The following PTPRD variants were observed in gnomAD, a reference collection of about 807,000 sequenced individuals.
PTPRD encodes protein tyrosine phosphatase receptor type D, also known as receptor-type tyrosine-protein phosphatase delta.
In PTPRD, 34 loss-of-function variants were observed where a neutral mutation model predicts 214.5. The observed-to-expected ratio is 0.16, with a 90% CI of 0.12 to 0.21. PTPRD has a LOEUF of 0.21. PTPRD is among the 10% of genes least tolerant of loss of function. The pLI is 1.00. For missense variants in PTPRD, 2,545 were observed against 2,398.7 expected (o/e 1.06, Z -1.27); for synonymous variants, 1,128 against 845.7 (o/e 1.33, Z -5.79).
intron 11 of PTPRD, among the ~76,000 whole-genome samples, chr9:8,785,242 G>GA (rs1173772991): frequency 6.6e-6 from 1 of 152,090 alleles, no homozygotes; most frequent in Non-Finnish European, 1.5e-5. Context: ...AATAACAGGG[G>GA]AAAAAAACAC....
chr9:8,761,196 T>C (rs2094392621), intron 11 of PTPRD, among the ~76,000 whole-genome samples: 1 of 152,160 alleles, frequency 6.6e-6, no homozygotes, highest in Non-Finnish European at 1.5e-5. Context: ...GCAAATGTGG[T>C]TGTCCTTGCA....
chr9:8,624,239 T>C (rs892920279), intron 14 of PTPRD, among the ~76,000 whole-genome samples: 4 of 151,928 alleles, frequency 2.6e-5, no homozygotes, highest in Non-Finnish European at 5.9e-5. Flanking sequence ...ACTAAAATTC[T>C]TGGGATTGTG....
intron 7 of PTPRD, among the ~76,000 whole-genome samples, chr9:9,602,340 C>A (rs2093835161): frequency 6.6e-6 from 1 of 151,838 alleles, no homozygotes; most frequent in South Asian, 2.1e-4. Flanking sequence ...AATATAATAA[C>A]AACTACAGAT....
At chr9:8,713,991 G>T in intron 12 of PTPRD, 1 of 603,420 alleles carries the variant, frequency 1.7e-6, no homozygotes, top group Non-Finnish European at 2.9e-6. Flanking sequence ...CTCAATTTCA[G>T]GCTTTGAATC....
chr9:9,382,461 A>G (rs1245569602), intron 9 of PTPRD, among the ~76,000 whole-genome samples: 1 of 152,150 alleles, frequency 6.6e-6, no homozygotes, highest in Non-Finnish European at 1.5e-5. Flanking sequence ...ATATGTAAGA[A>G]TCTCCTACAA....
chr9:9,622,191 G>A (rs1321958157), intron 7 of PTPRD, among the ~76,000 whole-genome samples: 2 of 152,156 alleles, frequency 1.3e-5, no homozygotes, highest in East Asian at 3.9e-4. Flanking sequence ...GACCTGCTAT[G>A]TTCAACTCTG....
chr9:9,438,000 G>C (rs913751502), intron 8 of PTPRD, among the ~76,000 whole-genome samples: 1 of 152,130 alleles, frequency 6.6e-6, no homozygotes, highest in Non-Finnish European at 1.5e-5. Context: ...TGTGAAGAGA[G>C]GGTCTGTTCT....
chr9:9,354,865 G>A (rs11795005), intron 9 of PTPRD, among the ~76,000 whole-genome samples: 14,422 of 151,714 alleles, frequency 0.095, 896 homozygotes, highest in Non-Finnish European at 0.14. Context: ...AAATAATGGA[G>A]GGTGAGGTAA....
intron 3 of PTPRD, among the ~76,000 whole-genome samples, chr9:10,074,211 A>C (rs2098089162): frequency 6.6e-6 from 1 of 152,084 alleles, no homozygotes; most frequent in Non-Finnish European, 1.5e-5. Context: ...TGGCCTGCTT[A>C]TGTGCCATTT....
At position 8,492,614 on chromosome 9, in the gene PTPRD, C is replaced by CA. The variant is rs34457270; in HGVS notation, c.2467+247dup. Among the ~76,000 whole-genome samples the CA allele has an allele frequency of 3.4e-3, 352 of 104,510 alleles. 2 individuals carry two copies. Among genetic ancestry groups the CA allele is most frequent in the East Asian group, 6.1e-3 (23 of 3,752 alleles). The allele number at this position is 104,510 out of a possible 152,430, so 68.6% of individuals were successfully genotyped here. A position where few individuals can be genotyped will look rare whatever the true frequency, so the allele number is the denominator to read the frequency against. Reference sequence around the variant, plus strand: ...CAGTGCCTGACACACAGAAGGTGCTCAAAAAAAAAAAAAAAAAAAATACTT... The same window carrying CA: ...CAGTGCCTGACACACAGAAGGTGCTCAAAAAAAAAAAAAAAAAAAAATACTT... On this transcript the variant is annotated intron_variant, in intron 27 of 45. Coordinates refer to ENST00000381196, the MANE Select transcript of PTPRD (RefSeq NM_002839.4).
chr9:8,402,238 G>C (rs2092486812), intron 36 of PTPRD, among the ~76,000 whole-genome samples: 1 of 152,138 alleles, frequency 6.6e-6, no homozygotes, highest in Non-Finnish European at 1.5e-5. Flanking sequence ...GGGTGTATTT[G>C]TGAACACAGC....
At chr9:10,421,180 A>G (rs1039079017) in intron 2 of PTPRD, among the ~76,000 whole-genome samples, 1 of 148,680 alleles carries the variant, frequency 6.7e-6, no homozygotes, top group African/African-American at 2.4e-5. Context: ...AGCTTGATCT[A>G]CAAAAAAATT....
chr9:10,361,566 G>A (rs965262255), intron 2 of PTPRD, among the ~76,000 whole-genome samples: 12 of 152,070 alleles, frequency 7.9e-5, no homozygotes, highest in African/African-American at 1.7e-4. Flanking sequence ...CTATACACCC[G>A]AAATAAGCAT....
chr9:10,262,672 A>G (rs2093775267), intron 3 of PTPRD, among the ~76,000 whole-genome samples: 1 of 152,244 alleles, frequency 6.6e-6, no homozygotes, highest in Admixed American at 6.5e-5. Context: ...ATGAGCATGA[A>G]TAAGTCACTT....
At chr9:9,189,819 G>A (rs1286738152) in intron 9 of PTPRD, among the ~76,000 whole-genome samples, 4 of 152,026 alleles carry the variant, frequency 2.6e-5, no homozygotes, top group Non-Finnish European at 5.9e-5. Flanking sequence ...CCATTAGGTT[G>A]TTTTCTGGGC....
intron 3 of PTPRD, among the ~76,000 whole-genome samples, chr9:10,277,011 G>C (rs10959001): frequency 0.29 from 44,244 of 151,958 alleles, 6,561 homozygotes; most frequent in South Asian, 0.32. Context: ...CAAAGGCCAG[G>C]CATAGAAGGA....
chr9:8,791,506 G>C (rs1367977937), intron 11 of PTPRD, among the ~76,000 whole-genome samples: 2 of 147,350 alleles, frequency 1.4e-5, no homozygotes, highest in East Asian at 4.0e-4. Flanking sequence ...TTACAGGCAT[G>C]AGCCACCATG....
At chr9:8,494,490 T>C (rs1229727311) in intron 26 of PTPRD, among the ~76,000 whole-genome samples, 1 of 152,172 alleles carries the variant, frequency 6.6e-6, no homozygotes, top group African/African-American at 2.4e-5. Context: ...GCAGACACAC[T>C]GGCTATCCCA....
chr9:9,441,445 G>C (rs1179327764), intron 8 of PTPRD, among the ~76,000 whole-genome samples: 1 of 152,218 alleles, frequency 6.6e-6, no homozygotes, highest in African/African-American at 2.4e-5. Flanking sequence ...GCTGTCTATG[G>C]AAGTGGTGGA....
Sources: gnomAD v4.1 joint callset for allele counts (sites outside exome capture counted in the v4.1 genomes callset) on GRCh38, gnomAD v4.1.1 for gene constraint, MANE v1.5 for transcripts, NCBI Gene and HGNC (gene_info 2026-07-23, HGNC 2026-07-21) for gene names.